ZNF469: variants seen among roughly 807,000 people sequenced by gnomAD.
The protein encoded by ZNF469 is zinc finger protein 469.
In ZNF469, 1 loss-of-function variant was observed where a neutral mutation model predicts 1.0. The observed-to-expected ratio is 1.00, with a 90% CI of 0.35 to 4.73. The LOEUF (loss-of-function observed/expected upper bound fraction) is 4.73, where lower values mean the gene tolerates loss of function less well. Among genes scored for constraint, ZNF469 ranks in the 30% most tolerant of loss-of-function variants. The pLI is 0.16. For missense variants in ZNF469, 6,100 were observed against 5,356.3 expected (o/e 1.14, Z -4.33); for synonymous variants, 2,703 against 2,363.4 (o/e 1.14, Z -4.17).
the ZNF469 span, among the ~76,000 whole-genome samples, chr16:88,318,400 G>A: frequency 2.0e-5 from 3 of 152,090 alleles, no homozygotes; most frequent in Admixed American, 6.5e-5. Context: ...TCGGTAAGCG[G>A]GGAAGAGCCA....
At chr16:88,184,994 C>G in the ZNF469 span, among the ~76,000 whole-genome samples, 1 of 152,000 alleles carries the variant, frequency 6.6e-6, no homozygotes, top group Non-Finnish European at 1.5e-5. Context: ...CACACTCACA[C>G]CCGTGGGCAC....
chr16:88,433,009 G>T lies in ZNF469; in HGVS notation c.5539G>T (p.Ala1847Ser). The change falls in exon 3 of 3, where the codon GCA (alanine) becomes TCA (serine). Residue 1847 changes from alanine (A) to serine (S), a missense_variant. By Grantham distance (99) the Ala-to-Ser change is moderately conservative. Coordinates refer to ENST00000565624, the MANE Select transcript of ZNF469 (RefSeq NM_001367624.2). ...AGCAGGTGGGCACCTCCACCCCACG[G>T]CAGGGAGGCCTGGCTTTGAGGGTAA... ...GRAGGHLHPT[A>S]GRPGFEGNEF... 1 of 1,550,380 alleles carries T rather than the reference G, an allele frequency of 6.5e-7. No individual in the cohort carries two copies. The highest frequency in any genetic ancestry group is 8.7e-7 in the Non-Finnish European group (1 of 1,146,982).
At chr16:88,245,750 T>A in the ZNF469 span, among the ~76,000 whole-genome samples, 1 of 152,256 alleles carries the variant, frequency 6.6e-6, no homozygotes, top group Non-Finnish European at 1.5e-5. Flanking sequence ...GGGCAGGGTT[T>A]GTTTACTCTG....
At chr16:88,338,071 G>A in the ZNF469 span, among the ~76,000 whole-genome samples, 11 of 152,198 alleles carry the variant, frequency 7.2e-5, no homozygotes, top group African/African-American at 2.7e-4. Flanking sequence ...TTGGCCAGCG[G>A]TTCCTAACTT....
the ZNF469 span, among the ~76,000 whole-genome samples, chr16:88,186,576 G>T: frequency 6.6e-6 from 1 of 152,166 alleles, no homozygotes; most frequent in South Asian, 2.1e-4. Flanking sequence ...CCGCAGGGAC[G>T]AAGAGGCCGA....
intron 2 of ZNF469, among the ~76,000 whole-genome samples, chr16:88,425,468 G>A (rs2142294557): frequency 6.7e-6 from 1 of 148,970 alleles, no homozygotes. Context: ...GATGTGCAGG[G>A]CAGGAGATGT....
chr16:88,433,497 A>T lies in ZNF469; in HGVS notation c.6027A>T (p.Pro2009=). ...TTCAGCCAGAGAACGGGGTGAGCCCAGGGGGCACGGACAACCACGCCTCAG... is the reference window on the plus strand; with the variant it reads ...TTCAGCCAGAGAACGGGGTGAGCCCTGGGGGCACGGACAACCACGCCTCAG... ...NQLQPENGVS[P]GGTDNHASVN... Residue 2009 remains proline (P), a synonymous_variant, in exon 3 of 3, where the codon CCA becomes CCT. Coordinates refer to ENST00000565624, the MANE Select transcript of ZNF469 (RefSeq NM_001367624.2). 6.5e-7 allele frequency: 1 copy of T among 1,550,374 alleles called. No individual in the cohort carries two copies. The highest frequency in any genetic ancestry group is 8.7e-7 in the Non-Finnish European group (1 of 1,146,940).
chr16:88,420,414 T>C (rs1413598094), intron 1 of ZNF469, among the ~76,000 whole-genome samples: 1 of 152,140 alleles, frequency 6.6e-6, no homozygotes, highest in Non-Finnish European at 1.5e-5. Context: ...TATCAGGGTG[T>C]CACAGACAGG....
At chr16:88,194,149 C>G in the ZNF469 span, 1 of 152,240 alleles carries the variant, frequency 6.6e-6, no homozygotes. Flanking sequence ...GGCTGGGCTA[C>G]TGATCATCCT....
At chr16:88,330,805 C>T in the ZNF469 span, among the ~76,000 whole-genome samples, 1 of 152,238 alleles carries the variant, frequency 6.6e-6, no homozygotes, top group Non-Finnish European at 1.5e-5. Context: ...ACTCTGTGAC[C>T]TTGGGCTTGC....
At chr16:88,165,831 G>C in the ZNF469 span, among the ~76,000 whole-genome samples, 1 of 152,146 alleles carries the variant, frequency 6.6e-6, no homozygotes, top group African/African-American at 2.4e-5. Flanking sequence ...CTCTGAGTCT[G>C]ATGCCTCCAG....
At position 88,424,794 on chromosome 16, in the gene ZNF469, A is replaced by G. The variant is rs1905629311; in HGVS notation, c.-191-13A>G. On this transcript the variant is annotated splice_polypyrimidine_tract_variant and intron_variant, in intron 1 of 2. Coordinates refer to ENST00000565624, the MANE Select transcript of ZNF469 (RefSeq NM_001367624.2). This position sits in a 1 kb window ranked among gnomAD's most constrained non-coding sequence, Gnocchi z 4.3. Reference sequence around the variant, plus strand: ...CCACATCGGCCCTGACATGCTTTCCATTTTCTTTGCAGCCAAGAAATTCTC... The same window carrying G: ...CCACATCGGCCCTGACATGCTTTCCGTTTTCTTTGCAGCCAAGAAATTCTC... 6.6e-6 allele frequency among the ~76,000 whole-genome samples: 1 copy of G among 151,578 alleles called. No homozygotes were observed. The highest frequency in any genetic ancestry group is 1.5e-5 in the Non-Finnish European group (1 of 67,896).
the ZNF469 span, among the ~76,000 whole-genome samples, chr16:88,193,099 T>TGG: frequency 7.2e-5 from 1 of 13,794 alleles, no homozygotes; most frequent in East Asian, 2.7e-3. Flanking sequence ...GGTGATGGTG[T>TGG]TGATGGTGGT....
chr16:88,428,344 G>C lies in ZNF469; in HGVS notation c.874G>C (p.Val292Leu), dbSNP rs1483927572. The C allele has an allele frequency of 3.9e-6, 6 of 1,549,498 alleles. No individual in the cohort carries two copies. Among genetic ancestry groups the C allele is most frequent in the Non-Finnish European group, 5.2e-6 (6 of 1,146,928 alleles). Reference sequence around the variant, plus strand: ...CAGCACAAAACCCTTCCCTGCGGATGTGGCTGGGCACGCATTCACCAATGG... The same window carrying C: ...CAGCACAAAACCCTTCCCTGCGGATCTGGCTGGGCACGCATTCACCAATGG... ...GASTKPFPAD[V>L]AGHAFTNGPL... The change falls in exon 3 of 3, where the codon GTG (valine) becomes CTG (leucine). Residue 292 changes from valine (V) to leucine (L), a missense_variant. By Grantham distance (32) the Val-to-Leu change is conservative (BLOSUM62 1). Transcript: ENST00000565624.
At chr16:88,189,147 G>A in the ZNF469 span, among the ~76,000 whole-genome samples, 6 of 152,190 alleles carry the variant, frequency 3.9e-5, no homozygotes, top group African/African-American at 4.8e-5. This position sits in a 1 kb window ranked among gnomAD's most constrained non-coding sequence, Gnocchi z 4.3. Context: ...CCTAACAGTC[G>A]GCTGCACTGA....
At chr16:88,229,638 T>TGTGGATGTCACGCGTGTGGATGTAACGC in the ZNF469 span, among the ~76,000 whole-genome samples, 1 of 133,166 alleles carries the variant, frequency 7.5e-6, no homozygotes, top group East Asian at 2.3e-4. Flanking sequence ...GGATGTCACG[T>TGTGGATGTCACGCGTGTGGATGTAACGC]GTGTGTGCTG....
chr16:88,348,419 G>C, the ZNF469 span, among the ~76,000 whole-genome samples: 1 of 152,196 alleles, frequency 6.6e-6, no homozygotes, highest in Non-Finnish European at 1.5e-5. Context: ...CACCAGAAAA[G>C]ACTCTGGCTT....
At chr16:88,125,026 AATTAGAT>A in the ZNF469 span, among the ~76,000 whole-genome samples, 5 of 152,290 alleles carry the variant, frequency 3.3e-5, no homozygotes, top group Admixed American at 3.3e-4. Context: ...AAGCTTTTAT[AATTAGAT>A]CTATGCTCCA....
At chr16:88,280,584 G>T in the ZNF469 span, among the ~76,000 whole-genome samples, 1 of 148,990 alleles carries the variant, frequency 6.7e-6, no homozygotes, top group Non-Finnish European at 1.5e-5. Flanking sequence ...GCTGATGTTG[G>T]TGCACAGGTT....
Sources: allele counts gnomAD v4.1 joint callset (sites outside exome capture counted in the v4.1 genomes callset), GRCh38; gene constraint gnomAD v4.1.1; non-coding constraint Gnocchi (gnomAD v3.1); transcripts MANE v1.5; gene names NCBI Gene and HGNC (gene_info 2026-07-23, HGNC 2026-07-21).